UMODL1: variants seen among roughly 807,000 people sequenced by gnomAD.
UMODL1 encodes uromodulin like 1.
In UMODL1, 128 loss-of-function variants were observed where a neutral mutation model predicts 136.3. The ratio of observed to expected loss-of-function variants is 0.94; its 90% confidence interval spans 0.81 to 1.09. UMODL1 has a LOEUF of 1.09. Ranked by LOEUF, UMODL1 falls within the 50% of genes least tolerant of loss-of-function variation. The pLI is 0.00. For synonymous variants in UMODL1, 721 were observed against 720.0 expected (o/e 1.00, Z -0.02); for missense variants, 1,766 against 1,725.6 (o/e 1.02, Z -0.41).
At chr21:42,103,666 G>T (rs1286265050) in intron 8 of UMODL1, 2 of 706,130 alleles carry the variant, frequency 2.8e-6, no homozygotes, top group Non-Finnish European at 5.2e-6. Context: ...ACCAGGCCAG[G>T]CCCGGCCGTC....
rs756470174 is a variant in UMODL1, at chr21:42,076,046, C to T, written c.118C>T (p.Arg40Cys). Residue 40 changes from arginine (R) to cysteine (C), a missense_variant, in exon 2 of 23, where the codon CGT (arginine) becomes TGT (cysteine). Arg to Cys is a radical substitution (Grantham distance 180). Coordinates refer to ENST00000408910, the MANE Select transcript of UMODL1 (RefSeq NM_001004416.3). ...SLLGYQLCSH[R>C]VTHTVQKVEA... The stretch of plus-strand genomic sequence containing the variant: ...GTTGGGCTACCAGCTATGCAGCCAC[C>T]GTGTGACCCACACTGTACAGAAGGT... 63 of 1,614,090 alleles carry T rather than the reference C, an allele frequency of 3.9e-5. No homozygotes were observed. The highest frequency in any genetic ancestry group is 2.2e-4 in the East Asian group (10 of 44,884).
chr21:42,099,185 G>C lies in UMODL1; in HGVS notation c.1186+5G>C. The C allele has an allele frequency of 6.2e-7, 1 of 1,609,884 alleles. No homozygotes were observed. ...CCACGCTGACCATCAAAACCAGTAA[G>C]GCCCCCAGTCAGAGACCCACGTTAG... is the stretch of plus-strand genomic sequence containing the variant. On this transcript the variant is annotated splice_donor_5th_base_variant and intron_variant, in intron 7 of 22. Transcript: ENST00000408910. This position sits in a 1 kb window ranked among gnomAD's most constrained non-coding sequence, Gnocchi z 4.1.
intron 6 of UMODL1, among the ~76,000 whole-genome samples, chr21:42,092,268 T>C (rs900884566): frequency 6.6e-6 from 1 of 152,132 alleles, no homozygotes; most frequent in Non-Finnish European, 1.5e-5. Flanking sequence ...GAAAGCCTGA[T>C]GTGGAGGAGG....
chr21:42,106,118 C>T (rs1044194151), intron 9 of UMODL1, among the ~76,000 whole-genome samples: 3 of 151,296 alleles, frequency 2.0e-5, no homozygotes, highest in Non-Finnish European at 2.9e-5. Flanking sequence ...CGTGCATGGC[C>T]GGGGAGGCGG....
chr21:42,075,953 C>G, intron 1 of UMODL1, 52 bp from the exon 2 acceptor site: 1 of 1,602,340 alleles, frequency 6.2e-7, no homozygotes, highest in South Asian at 1.1e-5. Flanking sequence ...TAACCGCTCG[C>G]ACGGATCTGA....
chr21:42,067,038 G>A (rs971312584), upstream of UMODL1, among the ~76,000 whole-genome samples: 4 of 149,098 alleles, frequency 2.7e-5, no homozygotes, highest in African/African-American at 9.9e-5. Flanking sequence ...GCAGTGGCGC[G>A]ATCTTGGCTC....
At chr21:42,086,466 G>A (rs542433542) in intron 4 of UMODL1, 35 of 453,312 alleles carry the variant, frequency 7.7e-5, no homozygotes, top group South Asian at 5.3e-4. Context: ...TGAGCTGCTA[G>A]ACAGGTAGTC....
At chr21:42,100,168 G>A (rs936867735) in intron 7 of UMODL1, among the ~76,000 whole-genome samples, 2 of 152,166 alleles carry the variant, frequency 1.3e-5, no homozygotes, top group African/African-American at 4.8e-5. Context: ...GGGGTTGCTG[G>A]GGCTCCATTC....
chr21:42,093,696 C>G (rs1176736743), intron 6 of UMODL1, among the ~76,000 whole-genome samples: 1 of 152,100 alleles, frequency 6.6e-6, no homozygotes, highest in East Asian at 1.9e-4. Context: ...TGCCCTCCAC[C>G]CACTGGCAGA....
At chr21:42,104,420 TTTTTC>T (rs796743422) in intron 9 of UMODL1, among the ~76,000 whole-genome samples, 15 of 145,110 alleles carry the variant, frequency 1.0e-4, no homozygotes, top group African/African-American at 3.2e-4. Flanking sequence ...TTCTTTTCTT[TTTTTC>T]TTTTCTTTTT....
At chr21:42,119,085 TC>T (rs756110460) in intron 14 of UMODL1, 25 bp from the exon 15 acceptor site, 1 of 1,605,858 alleles carries the variant, frequency 6.2e-7, no homozygotes, top group Non-Finnish European at 8.5e-7. Flanking sequence ...CGTGGGGACC[TC>T]CTCACATGGC....
chr21:42,132,809 T>C (rs998820808), intron 21 of UMODL1, among the ~76,000 whole-genome samples: 8 of 152,244 alleles, frequency 5.3e-5, no homozygotes, highest in Non-Finnish European at 1.2e-4. Flanking sequence ...TGGCACTTAA[T>C]AATTTTGTGG....
At chr21:42,134,637 CAG>C (rs1171173146) in intron 21 of UMODL1, among the ~76,000 whole-genome samples, 3 of 152,072 alleles carry the variant, frequency 2.0e-5, no homozygotes, top group Non-Finnish European at 4.4e-5. Context: ...ATTTTTGAGA[CAG>C]AGTCTCGCTC....
At chr21:42,130,535 G>T (rs537737038) in intron 21 of UMODL1, among the ~76,000 whole-genome samples, 2 of 152,166 alleles carry the variant, frequency 1.3e-5, no homozygotes. Context: ...CATAGAAATA[G>T]CGTCCCCAGG....
In UMODL1 at chr21:42,127,698, A is replaced by G. The variant is rs747027928; in HGVS notation, c.3557A>G (p.Asn1186Ser). Residue 1186 changes from asparagine (N) to serine (S), a missense_variant, in exon 20 of 23, where the codon AAC (asparagine) becomes AGC (serine). Transcript: ENST00000408910. ...TGCCCTGTGCCCAACACATACACCA[A>G]CGTGATTGAGAACGGCAACTCCAAT... Reference protein sequence around the residue: ...NSCPVPNTYTNVIENGNSNKA... With the variant: ...NSCPVPNTYTSVIENGNSNKA... 9 of 1,613,928 alleles carry G rather than the reference A, an allele frequency of 5.6e-6. No individual in the cohort carries two copies. The East Asian group carries it at 2.0e-4, about 36-fold the overall frequency.
chr21:42,076,441 G>T (rs1230140225), intron 2 of UMODL1, among the ~76,000 whole-genome samples, 194 bp downstream of exon 2: 1 of 152,224 alleles, frequency 6.6e-6, no homozygotes, highest in Non-Finnish European at 1.5e-5. Context: ...GTCCGTGGGT[G>T]GGGGTGAAGT....
At chr21:42,093,500 G>A (rs2066517275) in intron 6 of UMODL1, 1 of 165,416 alleles carries the variant, frequency 6.0e-6, no homozygotes, top group Non-Finnish European at 1.3e-5. Flanking sequence ...ATTGCAGGCA[G>A]GAGACCCCGT....
At chr21:42,073,878 G>A (rs539105588) in intron 1 of UMODL1, among the ~76,000 whole-genome samples, 10 of 152,312 alleles carry the variant, frequency 6.6e-5, no homozygotes, top group African/African-American at 2.2e-4. Context: ...CCTCTTGGGG[G>A]TACAGTCTAG....
rs189126618 is a variant in UMODL1 at position 42,123,050 on chromosome 21, C to T, written c.3047C>T (p.Ser1016Leu). The T allele has an allele frequency of 4.3e-6, 7 of 1,614,126 alleles. No individual in the cohort carries two copies. Among genetic ancestry groups the T allele is most frequent in the East Asian group, 2.2e-5 (1 of 44,876 alleles). The change falls in exon 17 of 23, where the codon TCG becomes TTG. Residue 1016 changes from serine (S) to leucine (L), a missense_variant. Ser to Leu is a moderately radical substitution (Grantham distance 145, BLOSUM62 -2). Transcript: ENST00000408910. The surrounding 1 kb of genome is among the most constrained non-coding windows in gnomAD (Gnocchi z 4.4). ...CAGCAGGAATCCATCCCCGAGTCCT[C>T]GTTGTACCTCAGCCACCCCTCCTGC... ...FLQQESIPES[S>L]LYLSHPSCNV...
Sources: allele counts gnomAD v4.1 joint callset (sites outside exome capture counted in the v4.1 genomes callset), GRCh38; gene constraint gnomAD v4.1.1; non-coding constraint Gnocchi (gnomAD v3.1); transcripts MANE v1.5; gene names NCBI Gene and HGNC (gene_info 2026-07-23, HGNC 2026-07-21).